The following AUTS2 variants were observed in gnomAD, a reference collection of about 807,000 sequenced individuals.
AUTS2 encodes the protein autism susceptibility gene 2 protein.
AUTS2 carries 17 observed loss-of-function variants against 112.4 expected under a neutral mutation model. The observed-to-expected ratio is 0.15, with a 90% CI of 0.10 to 0.23. The LOEUF (loss-of-function observed/expected upper bound fraction) is 0.23. AUTS2 is among the 10% of genes least tolerant of loss of function. The probability of loss-of-function intolerance (pLI) is 1.00; values close to 1 mark genes in which losing one functional copy is unlikely to be tolerated. For synonymous variants in AUTS2, 751 were observed against 702.7 expected (o/e 1.07, Z -1.09); for missense variants, 1,510 against 1,701.6 (o/e 0.89, Z 1.98).
At chr7:70,475,228 A>C (rs1797537976) in intron 5 of AUTS2, among the ~76,000 whole-genome samples, 1 of 152,112 alleles carries the variant, frequency 6.6e-6, no homozygotes, top group Admixed American at 6.5e-5. Context: ...AACATGCAAA[A>C]ATTTTCACTT....
rs559390142 is a variant in AUTS2 at position 70,056,228 on chromosome 7, A to G, written c.523-61904A>G. ...TCGAACTCCGGACCTCAGGCAATCC[A>G]TCCTCCTCATCTTCCCAAAGTGCTC... On this transcript the variant is annotated intron_variant, in intron 2 of 18. Transcript: ENST00000342771. Among the ~76,000 whole-genome samples the G allele has an allele frequency of 2.6e-5, 4 of 152,208 alleles. No individual in the cohort carries two copies. In the East Asian group the frequency reaches 7.7e-4, roughly 29 times the overall value.
chr7:69,858,778 G>A (rs926940124), intron 1 of AUTS2, among the ~76,000 whole-genome samples: 2 of 152,162 alleles, frequency 1.3e-5, no homozygotes, highest in Non-Finnish European at 2.9e-5. Flanking sequence ...ACTTCACAGG[G>A]CAGTTACTAG....
chr7:69,873,975 A>G (rs1239530531), intron 1 of AUTS2, among the ~76,000 whole-genome samples: 1 of 152,242 alleles, frequency 6.6e-6, no homozygotes, highest in African/African-American at 2.4e-5. Context: ...ATTATAACAC[A>G]GAAGAACAAG....
chr7:69,948,924 G>A (rs983682283), intron 2 of AUTS2, among the ~76,000 whole-genome samples: 1 of 151,962 alleles, frequency 6.6e-6, no homozygotes, highest in Non-Finnish European at 1.5e-5. Context: ...TCTTGCCTCA[G>A]CCTCCCAAGT....
At chr7:70,243,586 TGAAA>T (rs1436747737) in intron 4 of AUTS2, among the ~76,000 whole-genome samples, 1 of 152,084 alleles carries the variant, frequency 6.6e-6, no homozygotes, top group Non-Finnish European at 1.5e-5. Flanking sequence ...TGTGCTCAAT[TGAAA>T]GAAAGTGATG....
chr7:70,289,817 A>G (rs1213731454), intron 4 of AUTS2, among the ~76,000 whole-genome samples: 1 of 152,242 alleles, frequency 6.6e-6, no homozygotes, highest in Non-Finnish European at 1.5e-5. Context: ...GGTGAAAATA[A>G]TAGTAATTGG....
At chr7:69,772,748 T>TA (rs1345772718) in intron 1 of AUTS2, among the ~76,000 whole-genome samples, 3 of 152,198 alleles carry the variant, frequency 2.0e-5, no homozygotes, top group African/African-American at 4.8e-5. Context: ...TTTAAGGTCT[T>TA]AAAGTGGAAA....
chr7:70,771,793 CT>C (rs879418570), intron 11 of AUTS2, 149 bp downstream of exon 11: 11 of 542,066 alleles, frequency 2.0e-5, no homozygotes, highest in South Asian at 1.5e-4. Flanking sequence ...GCCTATTTTT[CT>C]TTTTTTTCCA....
At chr7:70,620,715 C>T (rs1406714079) in intron 5 of AUTS2, among the ~76,000 whole-genome samples, 1 of 152,174 alleles carries the variant, frequency 6.6e-6, no homozygotes, top group East Asian at 1.9e-4. Flanking sequence ...GCTAGCTGAT[C>T]ATCTGTCTTT....
intron 1 of AUTS2, among the ~76,000 whole-genome samples, chr7:69,895,057 AG>A (rs1367766609): frequency 6.6e-6 from 1 of 152,154 alleles, no homozygotes; most frequent in Non-Finnish European, 1.5e-5. Flanking sequence ...GGTTTCCTTA[AG>A]GAAGTTCTTA....
intron 2 of AUTS2, among the ~76,000 whole-genome samples, chr7:69,914,863 C>T (rs959695759): frequency 3.3e-5 from 5 of 152,074 alleles, no homozygotes; most frequent in African/African-American, 1.2e-4. Context: ...CACGTGCCCT[C>T]GGTTTAAAAT....
intron 1 of AUTS2, among the ~76,000 whole-genome samples, chr7:69,761,704 C>T (rs1788192270): frequency 6.6e-6 from 1 of 152,102 alleles, no homozygotes; most frequent in Admixed American, 6.5e-5. Flanking sequence ...TTCAGAAAAT[C>T]CCCTTGCTCT....
chr7:70,730,359 T>A (rs1787310586), intron 6 of AUTS2, among the ~76,000 whole-genome samples: 1 of 152,128 alleles, frequency 6.6e-6, no homozygotes, highest in Non-Finnish European at 1.5e-5. Flanking sequence ...ACAATTAATT[T>A]TAGGACATTT....
At chr7:70,546,227 T>C (rs1423414776) in intron 5 of AUTS2, among the ~76,000 whole-genome samples, 1 of 150,030 alleles carries the variant, frequency 6.7e-6, no homozygotes, top group African/African-American at 2.5e-5. Flanking sequence ...GTGGATTACT[T>C]GAGGTCAGGA....
intron 1 of AUTS2, among the ~76,000 whole-genome samples, chr7:69,660,951 T>C (rs151158658): frequency 1.1e-3 from 173 of 152,318 alleles, no homozygotes; most frequent in African/African-American, 3.9e-3. Context: ...TAACCTTAGT[T>C]GCACAGGGTA....
intron 5 of AUTS2, among the ~76,000 whole-genome samples, chr7:70,457,007 C>A (rs1336470060): frequency 6.6e-6 from 1 of 152,200 alleles, no homozygotes; most frequent in Admixed American, 6.5e-5. Flanking sequence ...CAAGCAGGTG[C>A]TTGATCAGGA....
chr7:69,705,510 A>T (rs1184265847), intron 1 of AUTS2, among the ~76,000 whole-genome samples: 3 of 152,200 alleles, frequency 2.0e-5, no homozygotes, highest in Non-Finnish European at 4.4e-5. Flanking sequence ...TAGAATTGCT[A>T]TGTGGAAAGA....
At chr7:69,976,838 T>C (rs1798079565) in intron 2 of AUTS2, among the ~76,000 whole-genome samples, 1 of 152,218 alleles carries the variant, frequency 6.6e-6, no homozygotes, top group African/African-American at 2.4e-5. Flanking sequence ...TTCTGGATTT[T>C]AACCTTTTTT....
chr7:70,206,560 A>G (rs1810584527), intron 4 of AUTS2, among the ~76,000 whole-genome samples: 1 of 152,194 alleles, frequency 6.6e-6, no homozygotes, highest in East Asian at 1.9e-4. Flanking sequence ...ACTAATGTTT[A>G]TTAGCCAGTG....
Sources: gnomAD v4.1 joint callset for allele counts (sites outside exome capture counted in the v4.1 genomes callset) on GRCh38, gnomAD v4.1.1 for gene constraint, MANE v1.5 for transcripts, NCBI Gene and HGNC (gene_info 2026-07-23, HGNC 2026-07-21) for gene names.